The following DLC1 variants were observed in gnomAD, a reference collection of about 807,000 sequenced individuals.
The protein encoded by DLC1 is DLC1 Rho GTPase activating protein.
DLC1 carries 54 observed loss-of-function variants against 140.3 expected under a neutral mutation model. The ratio of observed to expected loss-of-function variants is 0.38; its 90% CI spans 0.31 to 0.48. DLC1 has a LOEUF of 0.48. DLC1 is among the 20% of genes least tolerant of loss of function. The pLI, the probability that DLC1 is intolerant of heterozygous loss-of-function variation, is 0.96. For synonymous variants in DLC1, 986 were observed against 728.1 expected (o/e 1.35, Z -5.70); for missense variants, 2,536 against 1,907.0 (o/e 1.33, Z -6.14).
intron 4 of DLC1, among the ~76,000 whole-genome samples, chr8:13,328,242 A>C (rs1206397419): frequency 6.6e-6 from 1 of 152,166 alleles, no homozygotes; most frequent in Non-Finnish European, 1.5e-5. Context: ...GAAGAAGGGG[A>C]TGAGAGTAGA....
At chr8:13,333,932 C>G (rs1833706476) in intron 4 of DLC1, among the ~76,000 whole-genome samples, 1 of 152,126 alleles carries the variant, frequency 6.6e-6, no homozygotes, top group Non-Finnish European at 1.5e-5. Flanking sequence ...ACTGGGAAAA[C>G]AGTGATGAAC....
At chr8:13,103,831 C>T (rs1477723244) in intron 7 of DLC1, among the ~76,000 whole-genome samples, 2 of 124,754 alleles carry the variant, frequency 1.6e-5, no homozygotes, top group African/African-American at 6.6e-5. Flanking sequence ...AAGAGCCAGA[C>T]TCCATCTCAA....
chr8:13,420,659 G>C (rs565448953), intron 2 of DLC1, among the ~76,000 whole-genome samples: 1 of 152,020 alleles, frequency 6.6e-6, no homozygotes, highest in Non-Finnish European at 1.5e-5. Flanking sequence ...TGCAGTATTT[G>C]GTTTTCTGTT....
chr8:13,272,208 G>C (rs555821063), intron 5 of DLC1, among the ~76,000 whole-genome samples: 1 of 152,274 alleles, frequency 6.6e-6, no homozygotes, highest in South Asian at 2.1e-4. Context: ...GGCAATTTGC[G>C]AGGCCAAAGT....
At chr8:13,173,845 C>T (rs554418006) in intron 5 of DLC1, among the ~76,000 whole-genome samples, 1 of 152,054 alleles carries the variant, frequency 6.6e-6, no homozygotes, top group Non-Finnish European at 1.5e-5. Flanking sequence ...ATAATTAGTC[C>T]ATTTTTTATT....
At chr8:13,167,444 C>A (rs1825181510) in intron 5 of DLC1, among the ~76,000 whole-genome samples, 1 of 152,120 alleles carries the variant, frequency 6.6e-6, no homozygotes, top group Non-Finnish European at 1.5e-5. Context: ...GAGGTCCTTT[C>A]CCTCATTTCC....
At chr8:13,439,714 C>T (rs1276312948) in intron 2 of DLC1, among the ~76,000 whole-genome samples, 1 of 152,078 alleles carries the variant, frequency 6.6e-6, no homozygotes, top group Non-Finnish European at 1.5e-5. Context: ...ACTAGTTGGT[C>T]GAGACTTCCA....
At chr8:13,203,595 A>G (rs1330247617) in intron 5 of DLC1, among the ~76,000 whole-genome samples, 1 of 152,198 alleles carries the variant, frequency 6.6e-6, no homozygotes, top group African/African-American at 2.4e-5. Context: ...AAGTGTTTTG[A>G]TAGACTAGTT....
At chr8:13,372,539 T>C (rs935233216) in intron 4 of DLC1, among the ~76,000 whole-genome samples, 1 of 152,180 alleles carries the variant, frequency 6.6e-6, no homozygotes, top group Admixed American at 6.5e-5. Context: ...CTTTAAGTGT[T>C]TGCATTCATC....
intron 2 of DLC1, among the ~76,000 whole-genome samples, chr8:13,405,917 T>TTTTCTTTTCTTTC (rs1491226520): frequency 6.9e-4 from 59 of 84,940 alleles, no homozygotes; most frequent in African/African-American, 1.9e-3. Flanking sequence ...CTTTCTTTTC[T>TTTTCTTTTCTTTC]TTTCTTTCTT....
intron 4 of DLC1, among the ~76,000 whole-genome samples, chr8:13,337,008 G>T (rs1253797759): frequency 2.0e-5 from 3 of 152,248 alleles, no homozygotes; most frequent in Admixed American, 6.5e-5. Context: ...AAAATCAATT[G>T]TTTCTGGTCA....
chr8:13,368,162 T>C (rs10092050), intron 4 of DLC1, among the ~76,000 whole-genome samples: 9,531 of 152,168 alleles, frequency 0.063, 1,010 homozygotes, highest in African/African-American at 0.22. Flanking sequence ...AAAGACATAA[T>C]TGGGAATTTT....
In DLC1 at chr8:13,394,184, A is replaced by G. The variant is rs557322278; in HGVS notation, c.1174-491T>C. 3.2e-4 allele frequency among the ~76,000 whole-genome samples: 49 copies of G among 152,314 alleles called. 1 individual carries two copies. Among genetic ancestry groups the G allele is most frequent in the Middle Eastern group, 3.4e-3 (1 of 294 alleles). ...CTATTCAACCTCTATGGTGACAGCT[A>G]TTACGGTGGCCTGGAATATTTGAGC... On this transcript the variant is annotated intron_variant, in intron 3 of 17. Coordinates refer to ENST00000276297, the MANE Select transcript of DLC1 (RefSeq NM_182643.3).
chr8:13,257,019 C>T (rs1830258735), intron 5 of DLC1, among the ~76,000 whole-genome samples: 1 of 151,860 alleles, frequency 6.6e-6, no homozygotes, highest in African/African-American at 2.4e-5. Flanking sequence ...AGCCTCTGAC[C>T]CTCTTTTTTA....
intron 2 of DLC1, among the ~76,000 whole-genome samples, chr8:13,498,034 G>T (rs751930638): frequency 6.6e-6 from 1 of 152,112 alleles, no homozygotes; most frequent in Non-Finnish European, 1.5e-5. Context: ...ATGGTAGATA[G>T]CCCCAGTTGA....
intron 5 of DLC1, among the ~76,000 whole-genome samples, chr8:13,184,260 A>C (rs1826214915): frequency 6.6e-6 from 1 of 152,102 alleles, no homozygotes; most frequent in African/African-American, 2.4e-5. Flanking sequence ...TCTTTTCAAA[A>C]AACCAGCTTC....
At chr8:13,311,571 T>C (rs1387680110) in intron 4 of DLC1, among the ~76,000 whole-genome samples, 1 of 152,240 alleles carries the variant, frequency 6.6e-6, no homozygotes, top group Admixed American at 6.5e-5. Flanking sequence ...ACACATCTTA[T>C]TTAATAAAAG....
rs1435129046 is a variant in DLC1, at chr8:13,153,127, C to CAT, written c.1349-37471_1349-37470insAT. Among the ~76,000 whole-genome samples the CAT allele has an allele frequency of 2.6e-5, 4 of 151,996 alleles. No homozygotes were observed. In the South Asian group the frequency reaches 8.3e-4, roughly 32 times the overall value. On this transcript the variant is annotated intron_variant, in intron 5 of 17. Transcript: ENST00000276297. Reference sequence around the variant, plus strand: ...GACTTCAAGAACGAAGCCGCGGACCCGCGCAGTGAGTGTTACAGATCTTAA... The same window carrying CAT: ...GACTTCAAGAACGAAGCCGCGGACCCATGCGCAGTGAGTGTTACAGATCTTAA...
At chr8:13,473,961 C>T (rs1360920840) in intron 2 of DLC1, among the ~76,000 whole-genome samples, 1 of 152,190 alleles carries the variant, frequency 6.6e-6, no homozygotes, top group Non-Finnish European at 1.5e-5. Context: ...AAGAAAATCC[C>T]ATTTTCCGAG....
Sources: allele counts gnomAD v4.1 joint callset (sites outside exome capture counted in the v4.1 genomes callset), GRCh38; gene constraint gnomAD v4.1.1; transcripts MANE v1.5; gene names NCBI Gene and HGNC (gene_info 2026-07-23, HGNC 2026-07-21).